Variants in SEMA3A observed in about 807,000 individuals in gnomAD.
SEMA3A encodes semaphorin 3A, also known as semaphorin-3A.
A neutral mutation model predicts 97.9 loss-of-function variants in SEMA3A; 29 were observed. The observed-to-expected ratio is 0.30, with a 90% CI of 0.22 to 0.40. SEMA3A has a LOEUF of 0.40. SEMA3A is among the 10% of genes least tolerant of loss of function. SEMA3A has a pLI of 1.00. For synonymous variants in SEMA3A, 321 were observed against 323.7 expected (o/e 0.99, Z 0.09); for missense variants, 763 against 951.3 (o/e 0.80, Z 2.60).
intron 2 of SEMA3A, among the ~76,000 whole-genome samples, chr7:84,355,317 T>C (rs986272013): frequency 6.6e-6 from 1 of 151,868 alleles, no homozygotes; most frequent in Admixed American, 6.6e-5. Flanking sequence ...AAATACATGT[T>C]CCTCCTCTAA....
Position 84,073,863 on chromosome 7 carries a change from T to TAA in SEMA3A, c.454-13307_454-13306dup, listed in dbSNP as rs57789538. Among the ~76,000 whole-genome samples the TAA allele has an allele frequency of 3.8e-3, 385 of 101,672 alleles. 1 individual carries two copies. The highest frequency in any genetic ancestry group is 5.5e-3 in the African/African-American group (179 of 32,580). The allele number at this position is 101,672 out of a possible 152,430, so 66.7% of individuals were successfully genotyped here. A position where few individuals can be genotyped will look rare whatever the true frequency, so the allele number is the denominator to read the frequency against. ...AACAAAGCTATGGCTTAAAAAAAGC[T>TAA]AAAAAAAAAAAAAAAAAGCTAAAAA... On this transcript the variant is annotated intron_variant, in intron 4 of 16. Transcript: ENST00000265362.
intron 4 of SEMA3A, among the ~76,000 whole-genome samples, chr7:84,069,484 C>A (rs1348619999): frequency 6.6e-6 from 1 of 151,996 alleles, no homozygotes; most frequent in East Asian, 1.9e-4. Context: ...GTAGAAATGC[C>A]AGCCTATATT....
intron 6 of SEMA3A, among the ~76,000 whole-genome samples, chr7:84,038,090 A>G (rs1358284748): frequency 6.6e-6 from 1 of 152,172 alleles, no homozygotes; most frequent in Non-Finnish European, 1.5e-5. Context: ...TAACTTAGCA[A>G]TAGGTATGTC....
rs530113399 is a variant in SEMA3A, at chr7:83,963,654, ATACTC to A, written c.1718-312_1718-308del. ...TATACGTCTTTATATGTCATGATAA[ATACTC>A]TACAGGAAATTATTTTCACTGCAAA... On this transcript the variant is annotated intron_variant, in intron 15 of 16. Transcript: ENST00000265362. 2.4e-4 allele frequency among the ~76,000 whole-genome samples: 37 copies of A among 152,314 alleles called. 1 individual carries two copies. The South Asian group carries it at 7.3e-3, about 30-fold the overall frequency.
intron 3 of SEMA3A, among the ~76,000 whole-genome samples, chr7:84,253,364 CA>C (rs67378144): frequency 0.089 from 12,098 of 135,552 alleles, 634 homozygotes; most frequent in East Asian, 0.31. Context: ...ATGGAGAGTC[CA>C]AAAAAAAAAA....
At chr7:84,425,828 T>TATAC (rs1804807674) in intron 1 of SEMA3A, among the ~76,000 whole-genome samples, 1 of 133,394 alleles carries the variant, frequency 7.5e-6, no homozygotes, top group South Asian at 2.4e-4. Context: ...ATATATCATA[T>TATAC]ATATATAATA....
intron 1 of SEMA3A, among the ~76,000 whole-genome samples, chr7:84,467,930 C>T (rs536398851): frequency 1.3e-5 from 2 of 152,170 alleles, no homozygotes; most frequent in African/African-American, 2.4e-5. Flanking sequence ...TTCTGTCTTG[C>T]CTGCTTTAAC....
At chr7:83,975,378 T>C (rs897151053) in intron 15 of SEMA3A, among the ~76,000 whole-genome samples, 2 of 152,156 alleles carry the variant, frequency 1.3e-5, no homozygotes, top group African/African-American at 4.8e-5. Context: ...TATTAGTCAA[T>C]TGATTAATTC....
intron 5 of SEMA3A, among the ~76,000 whole-genome samples, chr7:84,056,445 C>T (rs1489944131): frequency 6.6e-6 from 1 of 152,100 alleles, no homozygotes; most frequent in Admixed American, 6.6e-5. Context: ...GAAATTGCAG[C>T]ATTACTAACA....
intron 3 of SEMA3A, among the ~76,000 whole-genome samples, chr7:84,259,955 G>A (rs1460719178): frequency 2.6e-5 from 4 of 152,080 alleles, no homozygotes; most frequent in South Asian, 2.1e-4. Flanking sequence ...TGTAGATGCC[G>A]ATACACAGCA....
intron 3 of SEMA3A, among the ~76,000 whole-genome samples, chr7:84,260,843 A>G (rs1799837954): frequency 6.6e-6 from 1 of 152,162 alleles, no homozygotes; most frequent in Non-Finnish European, 1.5e-5. Context: ...TAGGGGCAGA[A>G]AGGGGCGTAT....
chr7:84,088,341 C>T (rs1391103232), intron 4 of SEMA3A, among the ~76,000 whole-genome samples: 1 of 152,010 alleles, frequency 6.6e-6, no homozygotes, highest in Non-Finnish European at 1.5e-5. Context: ...GTAGTCCCAA[C>T]TACTCAGGAA....
chr7:84,060,932 C>G (rs953074924), intron 4 of SEMA3A, among the ~76,000 whole-genome samples: 1 of 152,122 alleles, frequency 6.6e-6, no homozygotes, highest in Admixed American at 6.5e-5. Context: ...GACTCATTTC[C>G]TTCCTTTGTA....
chr7:84,005,496 G>C lies in SEMA3A; in HGVS notation c.1203C>G (p.Thr401=). The stretch of plus-strand genomic sequence containing the variant: ...ACATGGCTGGATGACTTCTTGCAAA[G>C]GTTATAACATCATCAGGAAGGTCCT... ...STKDLPDDVI[T]FARSHPAMYN... is the part of the protein sequence containing the mutation. The change falls in exon 11 of 17, where the codon ACC becomes ACG. Residue 401 remains threonine, a synonymous_variant. Transcript: ENST00000265362. The C allele has an allele frequency of 6.2e-7, 1 of 1,613,900 alleles. No individual in the cohort carries two copies. Among genetic ancestry groups the C allele is most frequent in the East Asian group, 2.2e-5 (1 of 44,842 alleles).
intron 1 of SEMA3A, among the ~76,000 whole-genome samples, chr7:84,169,473 T>C (rs1797316013): frequency 6.7e-6 from 1 of 150,000 alleles, no homozygotes; most frequent in African/African-American, 2.4e-5. Flanking sequence ...AATATATAAG[T>C]AGTAGTGAAG....
At chr7:84,213,028 A>T (rs1300338775) in intron 3 of SEMA3A, among the ~76,000 whole-genome samples, 1 of 152,074 alleles carries the variant, frequency 6.6e-6, no homozygotes, top group Non-Finnish European at 1.5e-5. Context: ...CAATGGCTCT[A>T]TCTTGGCTCA....
intron 1 of SEMA3A, among the ~76,000 whole-genome samples, chr7:84,140,919 G>T (rs1281983144): frequency 6.6e-6 from 1 of 152,116 alleles, no homozygotes; most frequent in Admixed American, 6.6e-5. Context: ...TGATCAAAAT[G>T]AGCAAAAACA....
In SEMA3A at chr7:84,011,025, G is replaced by C. The variant is rs752049351; in HGVS notation, c.992C>G (p.Ser331Cys). ...NPVVYGVFTTSSNIFKGSAVC... is the reference protein window; with the variant it reads ...NPVVYGVFTTCSNIFKGSAVC... Reference sequence around the variant, plus strand: ...AGGTAGTTAAAAAGTTACTTACCTGGAAGTCGTAAACACTCCATATACAAC... The same window carrying C: ...AGGTAGTTAAAAAGTTACTTACCTGCAAGTCGTAAACACTCCATATACAAC... The change falls in exon 9 of 17, where the codon TCC (serine) becomes TGC (cysteine). Residue 331 changes from serine to cysteine, a missense_variant. Around this residue, in one of 2 missense-constraint regions of SEMA3A, gnomAD observed 678 missense variants for 881.3 expected, o/e 0.77. Coordinates refer to ENST00000265362, the MANE Select transcript of SEMA3A (RefSeq NM_006080.3). 2 of 1,599,574 alleles carry C rather than the reference G, an allele frequency of 1.3e-6. No homozygotes were observed. The highest frequency in any genetic ancestry group is 1.7e-6 in the Non-Finnish European group (2 of 1,170,072).
chr7:84,240,917 C>G (rs367622504), intron 3 of SEMA3A, among the ~76,000 whole-genome samples: 24 of 152,146 alleles, frequency 1.6e-4, no homozygotes, highest in Non-Finnish European at 3.4e-4. Context: ...CATCCACGTC[C>G]CTTCAAAGAA....
Sources: allele counts gnomAD v4.1 joint callset (sites outside exome capture counted in the v4.1 genomes callset), GRCh38; gene constraint gnomAD v4.1.1; regional missense constraint gnomAD v4.1.1; transcripts MANE v1.5; gene names NCBI Gene and HGNC (gene_info 2026-07-23, HGNC 2026-07-21).